KCNIP4: variants seen among roughly 807,000 people sequenced by gnomAD.
KCNIP4 encodes Kv channel-interacting protein 4.
Under a neutral mutation model 34.0 loss-of-function variants are expected in KCNIP4, and 12 were observed. The observed-to-expected ratio is 0.35, with a 90% CI of 0.23 to 0.57. The LOEUF (loss-of-function observed/expected upper bound fraction) is 0.57. KCNIP4 is among the 20% of genes least tolerant of loss of function. KCNIP4 has a pLI of 0.83. For synonymous variants in KCNIP4, 124 were observed against 102.2 expected, an observed-to-expected ratio of 1.21 and a Z score of -1.29; for missense variants, 238 against 311.7, an observed-to-expected ratio of 0.76 and a Z score of 1.78.
chr4:21,239,348 T>A (rs867451089), intron 1 of KCNIP4, among the ~76,000 whole-genome samples: 1 of 150,922 alleles, frequency 6.6e-6, no homozygotes, highest in African/African-American at 2.4e-5. Context: ...CCAAAAGCAA[T>A]GGCAACAAAA....
intron 1 of KCNIP4, among the ~76,000 whole-genome samples, chr4:21,117,026 T>C (rs1749734219): frequency 1.3e-5 from 2 of 152,156 alleles, no homozygotes; most frequent in Admixed American, 1.3e-4. Flanking sequence ...AACACAACTA[T>C]TGTTTTCATG....
rs189244644 is a variant in KCNIP4, at chr4:21,869,708, C to T, written c.61+78863G>A. ...TCTCTCTCTTGCTCTTCCCCCCCACCGCCACATAGAGAGATAAGGAGATAG... is the reference window on the plus strand; with the variant it reads ...TCTCTCTCTTGCTCTTCCCCCCCACTGCCACATAGAGAGATAAGGAGATAG... On this transcript the variant is annotated intron_variant, in intron 1 of 8. Coordinates refer to ENST00000382152, the MANE Select transcript of KCNIP4 (RefSeq NM_025221.6). 3.4e-4 allele frequency among the ~76,000 whole-genome samples: 51 copies of T among 151,524 alleles called. No individual in the cohort carries two copies. In the East Asian group the frequency reaches 5.8e-3, roughly 17 times the overall value.
chr4:21,141,979 G>C (rs1374681048), intron 1 of KCNIP4, among the ~76,000 whole-genome samples: 1 of 151,570 alleles, frequency 6.6e-6, no homozygotes, highest in Admixed American at 6.6e-5. Flanking sequence ...GTGAAACCCT[G>C]TCTCTACTAA....
chr4:21,519,888 T>C (rs1193944079), intron 1 of KCNIP4, among the ~76,000 whole-genome samples: 1 of 147,936 alleles, frequency 6.8e-6, no homozygotes, highest in Non-Finnish European at 1.5e-5. Context: ...ATATATAATT[T>C]AATTATATAT....
chr4:21,551,170 AAAAT>A (rs1471056198), intron 1 of KCNIP4, among the ~76,000 whole-genome samples: 1 of 152,154 alleles, frequency 6.6e-6, no homozygotes, highest in Non-Finnish European at 1.5e-5. Flanking sequence ...TAAAAAACAG[AAAAT>A]AAATATCTTT....
chr4:20,999,431 G>GTTTTTTTTTTTTTTTTTTTT (rs1560634221), intron 1 of KCNIP4, among the ~76,000 whole-genome samples: 3 of 31,762 alleles, frequency 9.4e-5, no homozygotes, highest in African/African-American at 1.9e-4. Context: ...TTTTTTGTTT[G>GTTTTTTTTTTTTTTTTTTTT]TTTTTTGTTT....
intron 1 of KCNIP4, among the ~76,000 whole-genome samples, chr4:21,605,869 G>T (rs979977896): frequency 6.6e-6 from 1 of 152,138 alleles, no homozygotes; most frequent in Non-Finnish European, 1.5e-5. Context: ...TCAAAAAAAT[G>T]GGGTGGGAGG....
At chr4:21,302,879 A>C (rs1333839232) in intron 1 of KCNIP4, among the ~76,000 whole-genome samples, 1 of 152,218 alleles carries the variant, frequency 6.6e-6, no homozygotes, top group Non-Finnish European at 1.5e-5. Context: ...AAATACATTT[A>C]TAATGTATTT....
intron 1 of KCNIP4, among the ~76,000 whole-genome samples, chr4:20,991,687 A>G (rs2149706580): frequency 1.3e-5 from 2 of 152,350 alleles, no homozygotes; most frequent in East Asian, 3.9e-4. Flanking sequence ...CTAGAAATAC[A>G]GAATATCTCA....
intron 1 of KCNIP4, among the ~76,000 whole-genome samples, chr4:21,725,263 C>A (rs1202831336): frequency 6.6e-6 from 1 of 152,154 alleles, no homozygotes; most frequent in Non-Finnish European, 1.5e-5. Context: ...AGCTCCCTTT[C>A]TTTTCTTAGA....
chr4:21,869,074 T>A (rs1487942986), intron 1 of KCNIP4, among the ~76,000 whole-genome samples: 2 of 152,134 alleles, frequency 1.3e-5, no homozygotes, highest in Non-Finnish European at 2.9e-5. Flanking sequence ...TATGGGGTCA[T>A]GGGTTTCTTT....
intron 1 of KCNIP4, among the ~76,000 whole-genome samples, chr4:21,836,347 AG>A (rs1465983795): frequency 1.3e-5 from 2 of 152,160 alleles, no homozygotes; most frequent in Non-Finnish European, 2.9e-5. Context: ...GAAAGTAGAA[AG>A]CCTAGAAAGG....
At chr4:21,835,687 A>G (rs1723276965) in intron 1 of KCNIP4, among the ~76,000 whole-genome samples, 2 of 152,086 alleles carry the variant, frequency 1.3e-5, no homozygotes, top group Admixed American at 1.3e-4. Context: ...CATACCCTAT[A>G]GCCCAGAGTT....
At chr4:21,336,194 A>G (rs1441282073) in intron 1 of KCNIP4, among the ~76,000 whole-genome samples, 1 of 152,126 alleles carries the variant, frequency 6.6e-6, no homozygotes, top group African/African-American at 2.4e-5. Context: ...TTCACCTTGT[A>G]TAACATTAAA....
At chr4:21,631,567 C>A (rs1019872930) in intron 1 of KCNIP4, among the ~76,000 whole-genome samples, 2 of 152,058 alleles carry the variant, frequency 1.3e-5, no homozygotes, top group African/African-American at 4.8e-5. Flanking sequence ...GTATTTCTAT[C>A]CTCCTAATAT....
rs180741212 is a variant in KCNIP4, at chr4:21,558,517, T to C, written c.61+390054A>G. On this transcript the variant is annotated intron_variant, in intron 1 of 8. Coordinates refer to ENST00000382152, the MANE Select transcript of KCNIP4 (RefSeq NM_025221.6). ...AAAAATAAATAAATAAATAAATATA[T>C]AAATAAAACAAAATAAATGAGATTC... 2.3e-3 allele frequency among the ~76,000 whole-genome samples: 352 copies of C among 151,612 alleles called. 1 individual carries two copies. The highest frequency in any genetic ancestry group is 8.2e-3 in the African/African-American group (339 of 41,462).
At chr4:21,469,758 G>A (rs1730302194) in intron 1 of KCNIP4, among the ~76,000 whole-genome samples, 1 of 151,938 alleles carries the variant, frequency 6.6e-6, no homozygotes. Context: ...TCTCAATACA[G>A]TGTGGCCAGG....
At chr4:21,876,970 T>C (rs1726155908) in intron 1 of KCNIP4, among the ~76,000 whole-genome samples, 1 of 151,364 alleles carries the variant, frequency 6.6e-6, no homozygotes, top group Admixed American at 6.6e-5. Context: ...CTCAATTGCC[T>C]GGATTAGGAG....
intron 1 of KCNIP4, among the ~76,000 whole-genome samples, chr4:21,560,623 C>T (rs1010290235): frequency 2.6e-5 from 4 of 151,996 alleles, no homozygotes; most frequent in African/African-American, 9.7e-5. Context: ...ATAGCTCTTA[C>T]TCATGGAACA....
Sources: gnomAD v4.1 joint callset for allele counts (sites outside exome capture counted in the v4.1 genomes callset) on GRCh38, gnomAD v4.1.1 for gene constraint, MANE v1.5 for transcripts, NCBI Gene and HGNC (gene_info 2026-07-23, HGNC 2026-07-21) for gene names.